The following ATRNL1 variants were observed in gnomAD, a reference collection of about 807,000 sequenced individuals.
ATRNL1 encodes the protein attractin-like protein 1.
A neutral mutation model predicts 182.7 loss-of-function variants in ATRNL1; 95 were observed. The observed-to-expected ratio is 0.52, with a 90% CI of 0.44 to 0.62. The LOEUF is 0.62. ATRNL1 is among the 20% of genes least tolerant of loss of function. ATRNL1 has a pLI of 0.00. For missense variants in ATRNL1, 1,471 were observed against 1,679.5 expected, an observed-to-expected ratio of 0.88 and a Z score of 2.17; for synonymous variants, 576 against 568.3, an observed-to-expected ratio of 1.01 and a Z score of -0.19.
chr10:115,394,514 A>G, intron 19 of ATRNL1, 145 bp from the exon 20 acceptor site: 1 of 621,070 alleles, frequency 1.6e-6, no homozygotes, highest in Non-Finnish European at 2.8e-6. Context: ...AATTAAAAAT[A>G]ATTTATACTA....
At chr10:115,381,016 G>A (rs1554950922) in intron 19 of ATRNL1, among the ~76,000 whole-genome samples, 1 of 152,128 alleles carries the variant, frequency 6.6e-6, no homozygotes, top group East Asian at 1.9e-4. Context: ...CAGTTCATGT[G>A]TGTTTCTATT....
At chr10:115,421,209 C>A (rs781918636) in intron 20 of ATRNL1, among the ~76,000 whole-genome samples, 3 of 152,104 alleles carry the variant, frequency 2.0e-5, no homozygotes, top group Non-Finnish European at 2.9e-5. Context: ...GCCAGCATTA[C>A]CCTGATAACA....
At chr10:115,503,844 A>G (rs1444372611) in intron 24 of ATRNL1, among the ~76,000 whole-genome samples, 1 of 151,584 alleles carries the variant, frequency 6.6e-6, no homozygotes, top group Non-Finnish European at 1.5e-5. Context: ...ATTTTTTTTC[A>G]TATTAAATTA....
intron 25 of ATRNL1, among the ~76,000 whole-genome samples, chr10:115,548,331 C>T (rs1459430247): frequency 6.6e-6 from 1 of 152,224 alleles, no homozygotes; most frequent in Non-Finnish European, 1.5e-5. Flanking sequence ...CTAAGGTCTT[C>T]TGCTTCAAAT....
chr10:115,350,910 T>C (rs1592502179), intron 19 of ATRNL1, among the ~76,000 whole-genome samples: 2 of 152,306 alleles, frequency 1.3e-5, no homozygotes, highest in Non-Finnish European at 2.9e-5. Context: ...ACATGATATA[T>C]ATTTTCTTTT....
chr10:115,607,233 G>A (rs11197348), intron 26 of ATRNL1, among the ~76,000 whole-genome samples: 1,655 of 151,852 alleles, frequency 0.011, 28 homozygotes, highest in African/African-American at 0.038. Context: ...TAAATTACCA[G>A]CCATTATTTT....
At chr10:115,593,283 C>A (rs1338827108) in intron 26 of ATRNL1, among the ~76,000 whole-genome samples, 1 of 152,182 alleles carries the variant, frequency 6.6e-6, no homozygotes, top group African/African-American at 2.4e-5. Context: ...TGCTAAATAG[C>A]CAAAGCAATC....
chr10:115,288,617 G>A (rs1554919889), intron 15 of ATRNL1, among the ~76,000 whole-genome samples: 1 of 151,774 alleles, frequency 6.6e-6, no homozygotes, highest in Admixed American at 6.6e-5. Flanking sequence ...CGTATCCTGG[G>A]CTCAAGCAAT....
At chr10:115,620,422 C>G (rs1857668425) in intron 26 of ATRNL1, among the ~76,000 whole-genome samples, 1 of 152,084 alleles carries the variant, frequency 6.6e-6, no homozygotes, top group African/African-American at 2.4e-5. Flanking sequence ...TCTTACTTAT[C>G]AAGGAGTTAC....
intron 26 of ATRNL1, among the ~76,000 whole-genome samples, chr10:115,721,844 CTCTG>C (rs1197864642): frequency 1.3e-5 from 2 of 152,124 alleles, no homozygotes; most frequent in African/African-American, 2.4e-5. Context: ...TTTGTCTTTC[CTCTG>C]TCTGGTAGCA....
At chr10:115,157,127 G>C (rs1392443811) in intron 5 of ATRNL1, among the ~76,000 whole-genome samples, 1 of 151,996 alleles carries the variant, frequency 6.6e-6, no homozygotes, top group Non-Finnish European at 1.5e-5. Flanking sequence ...TGTGTTTGAG[G>C]CAACAGATAT....
chr10:115,458,976 G>A (rs1847664996), intron 21 of ATRNL1, among the ~76,000 whole-genome samples: 1 of 152,094 alleles, frequency 6.6e-6, no homozygotes, highest in Non-Finnish European at 1.5e-5. Flanking sequence ...AAGATTTAAT[G>A]GACATTTATT....
At chr10:115,735,527 T>G (rs1172032350) in intron 27 of ATRNL1, among the ~76,000 whole-genome samples, 3 of 152,122 alleles carry the variant, frequency 2.0e-5, no homozygotes, top group African/African-American at 7.2e-5. Context: ...ATTTGTAAAT[T>G]AGGCACAATA....
chr10:115,849,380 A>C (rs1386761566), intron 28 of ATRNL1, among the ~76,000 whole-genome samples: 1 of 152,178 alleles, frequency 6.6e-6, no homozygotes, highest in Non-Finnish European at 1.5e-5. Context: ...GATGATTTCC[A>C]AAACAAACAC....
At chr10:115,095,990 C>T (rs2085002572) in intron 1 of ATRNL1, among the ~76,000 whole-genome samples, 1 of 152,128 alleles carries the variant, frequency 6.6e-6, no homozygotes, top group Admixed American at 6.5e-5. Context: ...GATCAGCAGC[C>T]TGTGACCTCA....
intron 26 of ATRNL1, among the ~76,000 whole-genome samples, chr10:115,696,768 G>GTAAAC (rs1174669725): frequency 6.6e-6 from 1 of 151,986 alleles, no homozygotes; most frequent in Non-Finnish European, 1.5e-5. Flanking sequence ...GATGAAAAGA[G>GTAAAC]GTTTAATTGA....
intron 6 of ATRNL1, 64 bp from the exon 7 acceptor site, chr10:115,165,494 G>A (rs769667395): frequency 2.2e-5 from 19 of 864,410 alleles, no homozygotes; most frequent in Non-Finnish European, 2.8e-5. Context: ...TAAAAAGCAC[G>A]TGAAAATTAA....
intron 17 of ATRNL1, among the ~76,000 whole-genome samples, chr10:115,307,539 G>A (rs1554926576): frequency 6.6e-6 from 1 of 152,136 alleles, no homozygotes; most frequent in African/African-American, 2.4e-5. Context: ...TGGGATTACA[G>A]GTGTGAGCTA....
At chr10:115,739,661 A>C (rs1480221141) in intron 27 of ATRNL1, among the ~76,000 whole-genome samples, 8 of 152,210 alleles carry the variant, frequency 5.3e-5, no homozygotes, top group Admixed American at 5.2e-4. Flanking sequence ...AGTAGTATTA[A>C]CATCCTAATT....
Sources: gnomAD v4.1 joint callset for allele counts (sites outside exome capture counted in the v4.1 genomes callset) on GRCh38, gnomAD v4.1.1 for gene constraint, MANE v1.5 for transcripts, NCBI Gene and HGNC (gene_info 2026-07-23, HGNC 2026-07-21) for gene names.